Variants in KAT5 observed in about 807,000 individuals in gnomAD.
KAT5 encodes histone acetyltransferase KAT5.
Under a neutral mutation model 68.1 loss-of-function variants are expected in KAT5, and 31 were observed. The ratio of observed to expected loss-of-function variants is 0.46; its 90% confidence interval spans 0.34 to 0.61. KAT5 has a LOEUF of 0.61. KAT5 is among the 20% of genes least tolerant of loss of function. The pLI, the probability that KAT5 is intolerant of heterozygous loss-of-function variation, is 0.01. For missense variants in KAT5, 451 were observed against 725.5 expected (o/e 0.62, Z 4.35); for synonymous variants, 365 against 292.6 (o/e 1.25, Z -2.52).
chr11:65,719,099 C>G lies in KAT5; in HGVS notation c.1559C>G (p.Ala520Gly). Reference sequence around the variant, plus strand: ...GACATCGTGGATGGCCATGAGCGGGCCATGCTCAAGCGGCTCCTGCGGATC... The same window carrying G: ...GACATCGTGGATGGCCATGAGCGGGGCATGCTCAAGCGGCTCCTGCGGATC... ...SEDIVDGHER[A>G]MLKRLLRIDS... The change falls in exon 13 of 13, where the codon GCC (alanine) becomes GGC (glycine). Residue 520 changes from alanine to glycine, a missense_variant. Transcript: ENST00000341318. 1.2e-6 allele frequency: 2 copies of G among 1,614,182 alleles called. No homozygotes were observed. Among genetic ancestry groups the G allele is most frequent in the Non-Finnish European group, 1.7e-6 (2 of 1,180,018 alleles).
intron 8 of KAT5, among the ~76,000 whole-genome samples, chr11:65,715,629 C>T (rs1037633346): frequency 1.5e-4 from 23 of 151,938 alleles, no homozygotes; most frequent in Non-Finnish European, 5.9e-5. Flanking sequence ...GGCGTGGTGG[C>T]GGGTGCCTGT....
At chr11:65,716,405 G>T in intron 8 of KAT5, 1 of 512,946 alleles carries the variant, frequency 1.9e-6, no homozygotes, top group South Asian at 2.3e-5. Flanking sequence ...GAGGTGTGCG[G>T]AGCAAGGCGG....
At chr11:65,712,876 G>A (rs368555696) in intron 2 of KAT5, 42 bp downstream of exon 2, 20 of 1,613,940 alleles carry the variant, frequency 1.2e-5, no homozygotes, top group Non-Finnish European at 1.6e-5. Context: ...GTAGGGTTGG[G>A]GGACAGTCTT....
intron 12 of KAT5, 26 bp from the exon 13 acceptor site, chr11:65,719,021 C>T (rs1211595284): frequency 1.9e-6 from 3 of 1,614,034 alleles, no homozygotes; most frequent in Non-Finnish European, 2.5e-6. Flanking sequence ...GGCTGACCAC[C>T]TGCTGAACCC....
chr11:65,712,348 A>T lies in KAT5; in HGVS notation c.81A>T (p.Val27=). Residue 27 remains valine, a synonymous_variant, in exon 1 of 13, where the codon GTA becomes GTT. Transcript: ENST00000341318. ...TGGGTAGAGCCCGAGGCCCCCCAGT[A>T]GCCGACCCTGGCGTCGCGCTGTCTC... The part of the protein sequence containing the change: ...GEVGRARGPP[V]ADPGVALSPQ... The T allele has an allele frequency of 6.5e-7, 1 of 1,531,806 alleles. No homozygotes were observed. Among genetic ancestry groups the T allele is most frequent in the African/African-American group, 1.4e-5 (1 of 70,494 alleles). 94.9% of individuals were successfully genotyped at this position (1,531,806 alleles called of 1,614,324 possible).
chr11:65,716,368 T>C, intron 8 of KAT5: 1 of 369,122 alleles, frequency 2.7e-6, no homozygotes, highest in Non-Finnish European at 5.0e-6. Flanking sequence ...TAAAAGGCAG[T>C]GGTCTCTCCT....
intron 6 of KAT5, 101 bp downstream of exon 6, chr11:65,713,949 G>A: frequency 2.8e-6 from 3 of 1,089,362 alleles, no homozygotes; most frequent in Non-Finnish European, 4.1e-6. Flanking sequence ...AGAAGGGGTG[G>A]TGGGCAGAGC....
chr11:65,712,388 A>C lies in KAT5; in HGVS notation c.121A>C (p.Ile41Leu). The change falls in exon 1 of 13, where the codon ATC becomes CTC. Residue 41 changes from isoleucine (I) to leucine (L), a missense_variant. Transcript: ENST00000341318. ...GVALSPQGEIIEGCRLPVLRR... is the reference protein window; with the variant it reads ...GVALSPQGEILEGCRLPVLRR... ...CGCGCTGTCTCCCCAGGGGGAGATA[A>C]TCGAGGGCTGCCGCCTACCCGTGCT... is the stretch of plus-strand genomic sequence containing the variant. The C allele has an allele frequency of 6.3e-7, 1 of 1,582,848 alleles. No homozygotes were observed. The highest frequency in any genetic ancestry group is 8.5e-7 in the Non-Finnish European group (1 of 1,171,408).
intron 8 of KAT5, among the ~76,000 whole-genome samples, chr11:65,715,474 TC>T (rs1227839288): frequency 6.6e-6 from 1 of 152,066 alleles, no homozygotes; most frequent in Non-Finnish European, 1.5e-5. Context: ...AAAAAGCAAT[TC>T]CTGGGCTGGG....
At position 65,712,756 on chromosome 11, in the gene KAT5, A is replaced by G. The variant is rs1260583489; in HGVS notation, c.179-10A>G. The G allele has an allele frequency of 3.1e-6, 5 of 1,613,852 alleles. No individual in the cohort carries two copies. The highest frequency in any genetic ancestry group is 1.7e-4 in the Middle Eastern group (1 of 6,050). ...CCTGTCTAAGGCCCCTGTCTATGCT[A>G]TTCTCATAGCCCTGGCCGAGATCCT... On this transcript the variant is annotated splice_polypyrimidine_tract_variant and intron_variant, in intron 1 of 12. Coordinates refer to ENST00000341318, the MANE Select transcript of KAT5 (RefSeq NM_182710.3).
chr11:65,712,034 A>G (rs1338694420), upstream of KAT5: 3 of 404,112 alleles, frequency 7.4e-6, no homozygotes, highest in Non-Finnish European at 1.3e-5. Context: ...CGGACTCAGT[A>G]GACCGCCACT....
At chr11:65,717,309 G>A (rs538525171) in intron 10 of KAT5, 14 of 446,464 alleles carry the variant, frequency 3.1e-5, no homozygotes, top group Non-Finnish European at 5.0e-5. Context: ...ATCTGGTAAC[G>A]TGTGCCATGA....
In KAT5 at chr11:65,719,096, G is replaced by T; in HGVS notation, c.1556G>T (p.Arg519Leu). Reference sequence around the variant, plus strand: ...GAGGACATCGTGGATGGCCATGAGCGGGCCATGCTCAAGCGGCTCCTGCGG... The same window carrying T: ...GAGGACATCGTGGATGGCCATGAGCTGGCCATGCTCAAGCGGCTCCTGCGG... ...LSEDIVDGHE[R>L]AMLKRLLRID... The change falls in exon 13 of 13, where the codon CGG (arginine) becomes CTG (leucine). Residue 519 changes from arginine to leucine, a missense_variant. By Grantham distance (102) the Arg-to-Leu change is moderately radical (BLOSUM62 -2). Around this residue, in one of 4 missense-constraint regions of KAT5, gnomAD observed 210 missense variants for 423.7 expected, o/e 0.50. Coordinates refer to ENST00000341318, the MANE Select transcript of KAT5 (RefSeq NM_182710.3). 6.2e-7 allele frequency: 1 copy of T among 1,614,158 alleles called. No homozygotes were observed. Among genetic ancestry groups the T allele is most frequent in the Non-Finnish European group, 8.5e-7 (1 of 1,180,000 alleles).
chr11:65,712,742 C>G lies in KAT5; in HGVS notation c.179-24C>G, dbSNP rs374033347. 1.7e-5 allele frequency: 27 copies of G among 1,613,240 alleles called. No homozygotes were observed. The South Asian group carries it at 2.7e-4, about 16-fold the overall frequency. On this transcript the variant is annotated intron_variant, in intron 1 of 12. Transcript: ENST00000341318. ...GTCTCATAGCCTGGCCTGTCTAAGGCCCCTGTCTATGCTATTCTCATAGCC... is the reference window on the plus strand; with the variant it reads ...GTCTCATAGCCTGGCCTGTCTAAGGGCCCTGTCTATGCTATTCTCATAGCC...
chr11:65,714,069 C>T lies in KAT5; in HGVS notation c.690+221C>T, dbSNP rs181410032. Reference sequence around the variant, plus strand: ...CAGCACTTTGGGAGTCCAACCAAGGCTGGTGGATCACCTGAGGTCAGGAGT... The same window carrying T: ...CAGCACTTTGGGAGTCCAACCAAGGTTGGTGGATCACCTGAGGTCAGGAGT... On this transcript the variant is annotated intron_variant, in intron 6 of 12. Coordinates refer to ENST00000341318, the MANE Select transcript of KAT5 (RefSeq NM_182710.3). 245 of 580,240 alleles carry T rather than the reference C, an allele frequency of 4.2e-4. 1 individual carries two copies. The highest frequency in any genetic ancestry group is 4.2e-3 in the African/African-American group (226 of 53,566). The allele number at this position is 580,240 out of a possible 1,614,324, so 35.9% of individuals were successfully genotyped here.
intron 3 of KAT5, 100 bp from the exon 4 acceptor site, chr11:65,713,248 G>A (rs909930322): frequency 1.4e-5 from 19 of 1,375,362 alleles, no homozygotes; most frequent in Non-Finnish European, 1.9e-5. Context: ...CAGAAGGCGA[G>A]GGTGGGGTTT....
At chr11:65,713,904 G>A in intron 6 of KAT5, 56 bp downstream of exon 6, 2 of 1,445,880 alleles carry the variant, frequency 1.4e-6, no homozygotes, top group Non-Finnish European at 1.9e-6. Context: ...ATGCAGGCAG[G>A]GTGGAGAGTT....
At chr11:65,714,255 A>G (rs1857125042) in intron 6 of KAT5, 1 of 574,010 alleles carries the variant, frequency 1.7e-6, no homozygotes, top group African/African-American at 1.9e-5. Context: ...AGATCGCGCT[A>G]CTGCCCTCCA....
At chr11:65,714,253 C>A in intron 6 of KAT5, 1 of 573,282 alleles carries the variant, frequency 1.7e-6, no homozygotes, top group Non-Finnish European at 3.1e-6. Flanking sequence ...CAAGATCGCG[C>A]TACTGCCCTC....
Sources: gnomAD v4.1 joint callset for allele counts (sites outside exome capture counted in the v4.1 genomes callset) on GRCh38, gnomAD v4.1.1 for gene constraint, gnomAD v4.1.1 regional missense constraint, MANE v1.5 for transcripts, NCBI Gene and HGNC (gene_info 2026-07-23, HGNC 2026-07-21) for gene names.